The following MGLL variants were observed in gnomAD, a reference collection of about 807,000 sequenced individuals.
MGLL encodes the protein monoglyceride lipase, also known as lysophospholipase homolog.
A neutral mutation model predicts 29.1 loss-of-function variants in MGLL; 7 were observed. That is an observed-to-expected ratio of 0.24 (90% confidence interval 0.14 to 0.45). The LOEUF is 0.45. Among genes scored for constraint, MGLL ranks in the 20% least tolerant of loss-of-function variants. The pLI is 0.99. For missense variants in MGLL, 356 were observed against 413.6 expected, an observed-to-expected ratio of 0.86 and a Z score of 1.21; for synonymous variants, 148 against 168.3, an observed-to-expected ratio of 0.88 and a Z score of 0.93.
rs1353922701 is a variant in MGLL at position 127,689,917 on chromosome 3, A to G, written c.*2281T>C. On this transcript the variant is annotated 3_prime_UTR_variant, in exon 8 of 8. Transcript: ENST00000265052. ...CAATTTCAGGAAAGTTTTTATTTTAAATATTGGTGATTCTTTAACCAGGAA... is the reference window on the plus strand; with the variant it reads ...CAATTTCAGGAAAGTTTTTATTTTAGATATTGGTGATTCTTTAACCAGGAA... The G allele has an allele frequency of 6.6e-6, 1 of 152,064 alleles. No homozygotes were observed. The highest frequency in any genetic ancestry group is 2.4e-5 in the African/African-American group (1 of 41,394). The allele number at this position is 152,064 out of a possible 1,614,324, so 9.4% of individuals were successfully genotyped here.
chr3:127,689,867 G>T lies in MGLL; in HGVS notation c.*2331C>A, dbSNP rs2075212888. ...GGGGACATGGTGGGCGGATGTACCA[G>T]CCCTTCTGGATAACATGACAGTCCC... On this transcript the variant is annotated 3_prime_UTR_variant, in exon 8 of 8. Transcript: ENST00000265052. 6.6e-6 allele frequency: 1 copy of T among 152,238 alleles called. No individual in the cohort carries two copies. Among genetic ancestry groups the T allele is most frequent in the African/African-American group, 2.4e-5 (1 of 41,466 alleles). 9.4% of individuals were successfully genotyped at this position (152,238 alleles called of 1,614,324 possible). A position where few individuals can be genotyped will look rare whatever the true frequency, so the allele number is the denominator to read the frequency against.
chr3:127,806,337 T>C (rs1234496436), intron 2 of MGLL, among the ~76,000 whole-genome samples: 1 of 152,250 alleles, frequency 6.6e-6, no homozygotes, highest in Non-Finnish European at 1.5e-5. Context: ...CCATAGAGTT[T>C]GTGCTCAGTA....
intron 2 of MGLL, among the ~76,000 whole-genome samples, chr3:127,802,052 A>G (rs1052532045): frequency 6.6e-6 from 1 of 152,136 alleles, no homozygotes; most frequent in Non-Finnish European, 1.5e-5. Context: ...CCCTACCCTT[A>G]TGGAACTTCC....
chr3:127,728,815 G>T (rs1040411816), intron 3 of MGLL, among the ~76,000 whole-genome samples: 1 of 152,186 alleles, frequency 6.6e-6, no homozygotes, highest in Non-Finnish European at 1.5e-5. Flanking sequence ...CCCTCCATGT[G>T]GGAGTGTCAC....
intron 6 of MGLL, among the ~76,000 whole-genome samples, chr3:127,695,775 G>A (rs2075348867): frequency 6.6e-6 from 1 of 152,152 alleles, no homozygotes; most frequent in African/African-American, 2.4e-5. Flanking sequence ...AAAGTTTCAA[G>A]TATTAATTTG....
intron 3 of MGLL, among the ~76,000 whole-genome samples, chr3:127,735,317 A>G (rs2076224102): frequency 6.6e-6 from 1 of 152,254 alleles, no homozygotes; most frequent in African/African-American, 2.4e-5. Context: ...GTCCAAGAGA[A>G]GCTCTTAGAC....
intron 6 of MGLL, among the ~76,000 whole-genome samples, chr3:127,702,176 T>G (rs547090618): frequency 6.6e-6 from 1 of 152,336 alleles, no homozygotes; most frequent in Non-Finnish European, 1.5e-5. Context: ...GCCTACCGCC[T>G]CTTTCCCCTC....
intron 3 of MGLL, among the ~76,000 whole-genome samples, chr3:127,773,335 C>A (rs752294758): frequency 3.3e-5 from 5 of 152,240 alleles, no homozygotes; most frequent in African/African-American, 2.4e-5. Flanking sequence ...CTTGGGCAGG[C>A]GGCTTAACCT....
intron 6 of MGLL, among the ~76,000 whole-genome samples, chr3:127,706,037 T>G (rs2107599454): frequency 6.6e-6 from 1 of 152,278 alleles, no homozygotes; most frequent in East Asian, 1.9e-4. Context: ...AATGGCAGCA[T>G]GGTTCCTCCA....
rs967608072 is a variant in MGLL, at chr3:127,690,439, G to A, written c.*1759C>T. ...ATCTTCAGCAGGGTGACCCGTTCCT[G>A]GCTCTCATGGTGTGATCAGGGCTGC... On this transcript the variant is annotated 3_prime_UTR_variant, in exon 8 of 8. Transcript: ENST00000265052. The A allele has an allele frequency of 6.6e-6, 1 of 152,294 alleles. No homozygotes were observed. The highest frequency in any genetic ancestry group is 2.4e-5 in the African/African-American group (1 of 41,452). 9.4% of individuals were successfully genotyped at this position (152,294 alleles called of 1,614,324 possible).
At chr3:127,728,716 T>C (rs558147411) in intron 3 of MGLL, among the ~76,000 whole-genome samples, 34 of 152,338 alleles carry the variant, frequency 2.2e-4, no homozygotes, top group African/African-American at 7.5e-4. Flanking sequence ...ATCTGCATGA[T>C]GTTGTATCTT....
intron 3 of MGLL, among the ~76,000 whole-genome samples, chr3:127,780,453 T>G (rs2077103577): frequency 6.6e-6 from 1 of 152,176 alleles, no homozygotes; most frequent in South Asian, 2.1e-4. Flanking sequence ...AATGACACAG[T>G]CCCCATACTA....
chr3:127,765,078 G>A (rs986659140), intron 3 of MGLL, among the ~76,000 whole-genome samples: 5 of 152,210 alleles, frequency 3.3e-5, no homozygotes, highest in Middle Eastern at 3.2e-3. Flanking sequence ...CTGCATATAT[G>A]TTATAATTAG....
intron 3 of MGLL, among the ~76,000 whole-genome samples, chr3:127,726,177 A>AAAGG (rs1307682629): frequency 4.9e-4 from 21 of 42,554 alleles, no homozygotes; most frequent in Admixed American, 9.0e-4. Flanking sequence ...AGAAAGAAAG[A>AAAGG]AAGAAAGAAA....
intron 2 of MGLL, 70 bp from the exon 3 acceptor site, chr3:127,781,965 A>T: frequency 2.7e-6 from 4 of 1,456,118 alleles, no homozygotes; most frequent in South Asian, 2.3e-5. Context: ...TCATGCCTAC[A>T]ATTCCAGCAC....
intron 6 of MGLL, among the ~76,000 whole-genome samples, chr3:127,699,773 C>T (rs2075442949): frequency 1.3e-5 from 2 of 152,192 alleles, no homozygotes; most frequent in Admixed American, 6.5e-5. Flanking sequence ...CAGGAATGGT[C>T]CCTGATGAGG....
Position 127,692,201 on chromosome 3 carries a change from G to A in MGLL, c.939C>T (p.Pro313=). Residue 313 remains proline, a synonymous_variant, in exon 8 of 8, where the codon CCC becomes CCT. Coordinates refer to ENST00000265052, the MANE Select transcript of MGLL (RefSeq NM_007283.7). ...RTATAGTASP[P] Reference sequence around the variant, plus strand: ...AGCCGGGCACCGGCCAATGCATTCAGGGTGGGGACGCAGTTCCTGCCGTGG... The same window carrying A: ...AGCCGGGCACCGGCCAATGCATTCAAGGTGGGGACGCAGTTCCTGCCGTGG... The A allele has an allele frequency of 6.2e-7, 1 of 1,611,074 alleles. No individual in the cohort carries two copies. The highest frequency in any genetic ancestry group is 8.5e-7 in the Non-Finnish European group (1 of 1,179,442).
chr3:127,702,252 C>T (rs915179999), intron 6 of MGLL, among the ~76,000 whole-genome samples: 9 of 152,240 alleles, frequency 5.9e-5, no homozygotes, highest in Non-Finnish European at 1.3e-4. Flanking sequence ...GTGTCACAGC[C>T]TCCAGCTCTA....
At chr3:127,785,417 G>A (rs925871423) in intron 2 of MGLL, among the ~76,000 whole-genome samples, 1 of 152,258 alleles carries the variant, frequency 6.6e-6, no homozygotes, top group African/African-American at 2.4e-5. Context: ...TTCACCACTG[G>A]ATGCTGGGCA....
Sources: gnomAD v4.1 joint callset for allele counts (sites outside exome capture counted in the v4.1 genomes callset) on GRCh38, gnomAD v4.1.1 for gene constraint, MANE v1.5 for transcripts, NCBI Gene and HGNC (gene_info 2026-07-23, HGNC 2026-07-21) for gene names.